Variants in SNX8 observed in about 807,000 individuals in gnomAD.
SNX8 encodes sorting nexin-8.
SNX8 carries 25 observed loss-of-function variants against 51.6 expected under a neutral mutation model. The ratio of observed to expected loss-of-function variants is 0.48; its 90% CI spans 0.35 to 0.68. The LOEUF (loss-of-function observed/expected upper bound fraction) is 0.68, where lower values mean the gene tolerates loss of function less well. SNX8 is among the 30% of genes least tolerant of loss of function. The pLI, the probability that SNX8 is intolerant of heterozygous loss-of-function variation, is 0.00. For missense variants in SNX8, 695 were observed against 624.0 expected (o/e 1.11, Z -1.21); for synonymous variants, 324 against 277.0 (o/e 1.17, Z -1.68).
At chr7:2,257,641 G>T in intron 8 of SNX8, 94 bp downstream of exon 8, 1 of 1,561,088 alleles carries the variant, frequency 6.4e-7, no homozygotes. Flanking sequence ...TGGCTTCTCA[G>T]CTCCTCTTCC....
Position 2,352,705 on chromosome 7 carries a change from G to A in SNX8, c.-66+1517C>T, listed in dbSNP as rs552600503. 8.5e-5 allele frequency among the ~76,000 whole-genome samples: 13 copies of A among 152,072 alleles called. No individual in the cohort carries two copies. The East Asian group carries it at 1.9e-3, about 23-fold the overall frequency. The stretch of plus-strand genomic sequence containing the variant: ...AAAAAAATCAGCCAGGCGTGGTGGC[G>A]GGCACCTGTATTCCCAGCTACTTGG... On this transcript the variant is annotated intron_variant, in intron 1 of 5. Coordinates refer to the SNX8 transcript ENST00000435336.
intron 2 of SNX8, among the ~76,000 whole-genome samples, 190 bp from the exon 3 acceptor site, chr7:2,275,419 G>A (rs2115130529): frequency 1.3e-5 from 2 of 152,336 alleles, no homozygotes; most frequent in Non-Finnish European, 2.9e-5. Context: ...TAGCTCTTAG[G>A]CCGGGTGCGG....
chr7:2,271,211 A>G (rs1162896465), intron 4 of SNX8, among the ~76,000 whole-genome samples: 1 of 152,102 alleles, frequency 6.6e-6, no homozygotes, highest in Admixed American at 6.6e-5. Flanking sequence ...GCCTGGCCTC[A>G]GTTTTGTTTT....
Position 2,312,249 on chromosome 7 carries a change from T to C in SNX8, c.94+2079A>G, listed in dbSNP as rs574720181. ...CCTCAGGTGTACAGCGCTCAGACTA[T>C]CTCTAAATTACACCATTATGGTAGC... On this transcript the variant is annotated intron_variant, in intron 1 of 10. Transcript: ENST00000222990. Among the ~76,000 whole-genome samples, 9 of 152,082 alleles carry C rather than the reference T, an allele frequency of 5.9e-5. No homozygotes were observed. The South Asian group carries it at 6.2e-4, about 11-fold the overall frequency.
At chr7:2,319,672 G>A (rs879614647) in intron 1 of SNX8, among the ~76,000 whole-genome samples, 4 of 152,160 alleles carry the variant, frequency 2.6e-5, no homozygotes, top group Non-Finnish European at 5.9e-5. Context: ...AAAATTAGCT[G>A]GGTGTGGTGG....
At chr7:2,267,789 G>A (rs1217859781) in intron 5 of SNX8, among the ~76,000 whole-genome samples, 1 of 127,026 alleles carries the variant, frequency 7.9e-6, no homozygotes, top group African/African-American at 3.2e-5. Flanking sequence ...TGGGATGTGA[G>A]GAGCCCCTCT....
intron 1 of SNX8, among the ~76,000 whole-genome samples, chr7:2,284,557 A>G (rs1795979184): frequency 6.6e-6 from 1 of 151,726 alleles, no homozygotes; most frequent in Non-Finnish European, 1.5e-5. Context: ...GGTGCACACC[A>G]CCATGCCCAG....
In SNX8 at chr7:2,313,714, T is replaced by C. The variant is rs139512598; in HGVS notation, c.94+614A>G. Among the ~76,000 whole-genome samples the C allele has an allele frequency of 1.3e-4, 20 of 150,330 alleles. No homozygotes were observed. The East Asian group carries it at 3.9e-3, about 30-fold the overall frequency. ...CCCATCTCTACAAAAATAAAAAAAA[T>C]TACCGGGCGTAACTGCACGCGCCCG... On this transcript the variant is annotated intron_variant, in intron 1 of 10. Coordinates refer to ENST00000222990, the MANE Select transcript of SNX8 (RefSeq NM_013321.4).
Position 2,325,712 on chromosome 7 carries a change from A to G in SNX8, c.-66+28510T>C, listed in dbSNP as rs552368364. ...GCTGGGTGTGTTGGCAAGCGCCTGTAGTCCCAGCTACTCAGGAGCTGAGGC... is the reference window on the plus strand; with the variant it reads ...GCTGGGTGTGTTGGCAAGCGCCTGTGGTCCCAGCTACTCAGGAGCTGAGGC... On this transcript the variant is annotated intron_variant, in intron 1 of 5. Coordinates refer to the SNX8 transcript ENST00000435336. Among the ~76,000 whole-genome samples, 298 of 152,278 alleles carry G rather than the reference A, an allele frequency of 2.0e-3. 3 individuals are homozygous for G. In the South Asian group the frequency reaches 0.028, roughly 14 times the overall value.
intron 1 of SNX8, among the ~76,000 whole-genome samples, chr7:2,348,406 T>G (rs1759085565): frequency 6.7e-6 from 1 of 148,738 alleles, no homozygotes; most frequent in Non-Finnish European, 1.5e-5. Context: ...AGTGGCGCGA[T>G]CTCGGCTCAC....
intron 7 of SNX8, 77 bp downstream of exon 7, chr7:2,263,153 C>T: frequency 2.6e-6 from 4 of 1,518,140 alleles, no homozygotes; most frequent in Non-Finnish European, 3.6e-6. Context: ...TGACGCCCAT[C>T]TAAGCAGGAG....
intron 1 of SNX8, among the ~76,000 whole-genome samples, chr7:2,348,338 C>CTTTTTTTT (rs59761780): frequency 8.5e-5 from 8 of 93,672 alleles, no homozygotes; most frequent in Admixed American, 1.2e-4. Flanking sequence ...TTCTTTCTTT[C>CTTTTTTTT]TTTTTTTTTT....
chr7:2,285,468 C>A (rs1027634695), intron 1 of SNX8, among the ~76,000 whole-genome samples: 6 of 152,106 alleles, frequency 3.9e-5, no homozygotes, highest in Non-Finnish European at 8.8e-5. Flanking sequence ...GCAGAAGTTT[C>A]CTGATCCATA....
chr7:2,295,666 C>T (rs1796258774), intron 1 of SNX8, among the ~76,000 whole-genome samples: 1 of 150,372 alleles, frequency 6.7e-6, no homozygotes, highest in Non-Finnish European at 1.5e-5. Flanking sequence ...AAATTCTTTG[C>T]CTTGGCCTAT....
intron 1 of SNX8, among the ~76,000 whole-genome samples, chr7:2,347,495 A>AG (rs1407868909): frequency 7.4e-4 from 37 of 50,002 alleles, no homozygotes; most frequent in African/African-American, 1.8e-3. Flanking sequence ...AAAAAAAAAA[A>AG]AAAAGAAAAA....
rs114781835 is a variant in SNX8 at position 2,324,788 on chromosome 7, A to G, written c.-66+29434T>C. On this transcript the variant is annotated intron_variant, in intron 1 of 5. Transcript: ENST00000435336. ...TTTGCCCTGTGTTATAAAGCTACCAATTTCTTCTCAACACTCTTCCTTTTT... is the reference window on the plus strand; with the variant it reads ...TTTGCCCTGTGTTATAAAGCTACCAGTTTCTTCTCAACACTCTTCCTTTTT... Among the ~76,000 whole-genome samples the G allele has an allele frequency of 4.6e-3, 701 of 151,926 alleles. 5 individuals are homozygous for G. The highest frequency in any genetic ancestry group is 0.016 in the African/African-American group (652 of 41,490).
intron 1 of SNX8, among the ~76,000 whole-genome samples, chr7:2,298,968 C>T (rs1485480430): frequency 6.6e-6 from 1 of 152,160 alleles, no homozygotes; most frequent in Admixed American, 6.6e-5. Flanking sequence ...GCTGGGATTA[C>T]ATGCGTGACC....
chr7:2,262,512 G>T (rs1400230353), intron 7 of SNX8, among the ~76,000 whole-genome samples: 4 of 137,096 alleles, frequency 2.9e-5, no homozygotes, highest in African/African-American at 1.1e-4. Flanking sequence ...AGCGGGAGGT[G>T]GGAGCCGCTC....
At chr7:2,352,315 CA>C (rs1779161730) in intron 1 of SNX8, among the ~76,000 whole-genome samples, 1 of 152,086 alleles carries the variant, frequency 6.6e-6, no homozygotes, top group Admixed American at 6.6e-5. Flanking sequence ...CTTCCAAACA[CA>C]GTAGCCCCCC....
Sources: gnomAD v4.1 joint callset for allele counts (sites outside exome capture counted in the v4.1 genomes callset) on GRCh38, gnomAD v4.1.1 for gene constraint, MANE v1.5 for transcripts, NCBI Gene and HGNC (gene_info 2026-07-23, HGNC 2026-07-21) for gene names.